Variants in SEMA3A observed in about 807,000 individuals in gnomAD.
SEMA3A encodes semaphorin-3A.
Under a neutral mutation model 97.9 loss-of-function variants are expected in SEMA3A, and 29 were observed. That is an observed-to-expected ratio of 0.30 (90% CI 0.22 to 0.40). The LOEUF (loss-of-function observed/expected upper bound fraction) is 0.40. Among genes scored for constraint, SEMA3A ranks in the 10% least tolerant of loss-of-function variants. The probability of loss-of-function intolerance (pLI) is 1.00; values close to 1 mark genes in which losing one functional copy is unlikely to be tolerated. For missense variants in SEMA3A, 763 were observed against 951.3 expected (o/e 0.80, Z 2.60); for synonymous variants, 321 against 323.7 (o/e 0.99, Z 0.09).
chr7:84,245,418 G>A (rs762841110), intron 3 of SEMA3A, among the ~76,000 whole-genome samples: 60 of 151,712 alleles, frequency 4.0e-4, no homozygotes, highest in Non-Finnish European at 4.4e-5. Context: ...TGAAGTTATC[G>A]TGCTGTGTTT....
Position 84,297,626 on chromosome 7 carries a change from C to T in SEMA3A, c.-83+9581G>A, listed in dbSNP as rs1282319059. ...CTACAAGTCTCAATTTTGTTAATAC[C>T]CTGCTGCTCTATAATTATTTCTTTA... On this transcript the variant is annotated intron_variant, in intron 3 of 3. Coordinates refer to the SEMA3A transcript ENST00000424555. Among the ~76,000 whole-genome samples the T allele has an allele frequency of 9.9e-5, 15 of 152,034 alleles. No homozygotes were observed. In the East Asian group the frequency reaches 1.4e-3, roughly 14 times the overall value.
rs182067812 is a variant in SEMA3A at position 83,972,382 on chromosome 7, C to T, written c.1717+4750G>A. On this transcript the variant is annotated intron_variant, in intron 15 of 16. Coordinates refer to ENST00000265362, the MANE Select transcript of SEMA3A (RefSeq NM_006080.3). ...AAAAGCAATACCAATATGAAGATATCTACTGTAATATTTATTTAGTTTATA... is the reference window on the plus strand; with the variant it reads ...AAAAGCAATACCAATATGAAGATATTTACTGTAATATTTATTTAGTTTATA... Among the ~76,000 whole-genome samples, 944 of 151,954 alleles carry T rather than the reference C, an allele frequency of 6.2e-3. 5 individuals carry two copies. Among genetic ancestry groups the T allele is most frequent in the African/African-American group, 0.018 (765 of 41,474 alleles).
chr7:84,486,719 G>C (rs913385110), intron 1 of SEMA3A, among the ~76,000 whole-genome samples: 2 of 152,142 alleles, frequency 1.3e-5, no homozygotes, highest in Admixed American at 1.3e-4. Flanking sequence ...TCTCTTTATA[G>C]AGAATTTTGG....
At chr7:84,392,605 T>C (rs78578720) in intron 1 of SEMA3A, among the ~76,000 whole-genome samples, 2 of 152,108 alleles carry the variant, frequency 1.3e-5, no homozygotes, top group African/African-American at 4.8e-5. Context: ...TTGCCGGTAA[T>C]TGAATTTTTA....
At chr7:84,375,674 A>G (rs13227076) in intron 1 of SEMA3A, among the ~76,000 whole-genome samples, 19,722 of 152,214 alleles carry the variant, frequency 0.13, 1,457 homozygotes, top group East Asian at 0.28. Context: ...TCAAACATTT[A>G]TCATCTTAGT....
chr7:84,456,961 C>A (rs1383607655), intron 1 of SEMA3A, among the ~76,000 whole-genome samples: 2 of 151,504 alleles, frequency 1.3e-5, no homozygotes, highest in Non-Finnish European at 3.0e-5. Flanking sequence ...GCGATAAAGC[C>A]AGGATACTCC....
intron 3 of SEMA3A, among the ~76,000 whole-genome samples, chr7:84,250,998 A>G (rs1799594500): frequency 6.6e-6 from 1 of 152,166 alleles, no homozygotes; most frequent in Non-Finnish European, 1.5e-5. Context: ...TTAAATGGAG[A>G]TGAGACAGTA....
chr7:84,168,304 C>T (rs1584072510), intron 1 of SEMA3A, among the ~76,000 whole-genome samples: 1 of 151,968 alleles, frequency 6.6e-6, no homozygotes, highest in Non-Finnish European at 1.5e-5. Context: ...GGTATAGTCT[C>T]CCTCTTTAAA....
At chr7:84,358,076 T>G (rs1021981293) in intron 2 of SEMA3A, among the ~76,000 whole-genome samples, 1 of 152,176 alleles carries the variant, frequency 6.6e-6, no homozygotes, top group Non-Finnish European at 1.5e-5. Context: ...TTTTCTCCCA[T>G]TCTGTAGGTT....
At chr7:84,238,384 C>T (rs532725204) in intron 3 of SEMA3A, among the ~76,000 whole-genome samples, 2 of 152,154 alleles carry the variant, frequency 1.3e-5, no homozygotes, top group African/African-American at 4.8e-5. Flanking sequence ...CAATTTTCAA[C>T]TGAACTTGAG....
intron 1 of SEMA3A, among the ~76,000 whole-genome samples, chr7:84,154,018 A>G (rs1026015225): frequency 6.6e-6 from 1 of 152,074 alleles, no homozygotes; most frequent in Non-Finnish European, 1.5e-5. Context: ...GGAGAACACT[A>G]CATATTTCGT....
intron 2 of SEMA3A, among the ~76,000 whole-genome samples, chr7:84,132,088 C>T (rs1283670939): frequency 6.6e-6 from 1 of 152,146 alleles, no homozygotes; most frequent in Non-Finnish European, 1.5e-5. Flanking sequence ...GCTGGGATTA[C>T]AGGTGTGAGC....
chr7:84,194,490 T>C lies in SEMA3A; in HGVS notation c.97A>G (p.Lys33Glu). The stretch of plus-strand genomic sequence containing the variant: ...TAAGATTTACCTTTGTAGGATAATT[T>C]CAGCCTTGGCACATTGTTCTTCCCA... ...QNGKNNVPRLKLSYKEMLESN... is the reference protein window; with the variant it reads ...QNGKNNVPRLELSYKEMLESN... Residue 33 changes from lysine to glutamate, a missense_variant, in exon 1 of 17, where the codon AAA becomes GAA. Lys to Glu is a moderately conservative substitution (Grantham distance 56, BLOSUM62 1). Around this residue, in one of 2 missense-constraint regions of SEMA3A, gnomAD observed 85 missense variants for 70.0 expected, o/e 1.21. Coordinates refer to ENST00000265362, the MANE Select transcript of SEMA3A (RefSeq NM_006080.3). 1 of 1,606,552 alleles carries C rather than the reference T, an allele frequency of 6.2e-7. No homozygotes were observed. Among genetic ancestry groups the C allele is most frequent in the Non-Finnish European group, 8.5e-7 (1 of 1,173,184 alleles).
chr7:84,474,440 CTT>C (rs377261490), intron 1 of SEMA3A, among the ~76,000 whole-genome samples: 2 of 150,794 alleles, frequency 1.3e-5, no homozygotes, highest in African/African-American at 4.9e-5. Flanking sequence ...AGGACTGCTC[CTT>C]TTTTTTTCTC....
At chr7:84,059,373 G>A (rs1793123999) in intron 5 of SEMA3A, among the ~76,000 whole-genome samples, 1 of 152,020 alleles carries the variant, frequency 6.6e-6, no homozygotes, top group African/African-American at 2.4e-5. Context: ...AAGGATCAGT[G>A]AAACATGGTG....
intron 1 of SEMA3A, among the ~76,000 whole-genome samples, chr7:84,483,234 G>T (rs1485378302): frequency 6.6e-6 from 1 of 152,040 alleles, no homozygotes; most frequent in South Asian, 2.1e-4. Flanking sequence ...TTGACCTTTT[G>T]TTAACTATCT....
intron 2 of SEMA3A, among the ~76,000 whole-genome samples, chr7:84,336,545 T>G (rs1001833892): frequency 6.6e-6 from 1 of 152,128 alleles, no homozygotes; most frequent in Non-Finnish European, 1.5e-5. Context: ...AAAGCAAGAA[T>G]GAAAACATGA....
intron 1 of SEMA3A, among the ~76,000 whole-genome samples, chr7:84,442,126 C>T (rs1405344170): frequency 6.6e-6 from 1 of 152,096 alleles, no homozygotes; most frequent in African/African-American, 2.4e-5. Context: ...TGGTGTGTAA[C>T]TCCACTTTTA....
In SEMA3A at chr7:84,111,492, C is replaced by T. The variant is rs566049389; in HGVS notation, c.334-903G>A. The stretch of plus-strand genomic sequence containing the variant: ...ATTTTTATCTTAATTCCATTGCCCC[C>T]ATAAAAGAAGGATCAGGCAACCAAA... On this transcript the variant is annotated intron_variant, in intron 3 of 16. Coordinates refer to ENST00000265362, the MANE Select transcript of SEMA3A (RefSeq NM_006080.3). Among the ~76,000 whole-genome samples, 4 of 152,232 alleles carry T rather than the reference C, an allele frequency of 2.6e-5. No individual in the cohort carries two copies. The South Asian group carries it at 8.3e-4, about 32-fold the overall frequency.
Sources: allele counts gnomAD v4.1 joint callset (sites outside exome capture counted in the v4.1 genomes callset), GRCh38; gene constraint gnomAD v4.1.1; regional missense constraint gnomAD v4.1.1; transcripts MANE v1.5; gene names NCBI Gene and HGNC (gene_info 2026-07-23, HGNC 2026-07-21).